NUP155: variants seen among roughly 807,000 people sequenced by gnomAD.
NUP155 encodes nucleoporin 155.
NUP155 carries 71 observed loss-of-function variants against 180.4 expected under a neutral mutation model. That is an observed-to-expected ratio of 0.39 (90% CI 0.33 to 0.48). NUP155 has a LOEUF of 0.48. Among genes scored for constraint, NUP155 ranks in the 20% least tolerant of loss-of-function variants. NUP155 has a pLI of 0.91. For missense variants in NUP155, 1,553 were observed against 1,648.9 expected, an observed-to-expected ratio of 0.94 and a Z score of 1.01; for synonymous variants, 582 against 559.5, an observed-to-expected ratio of 1.04 and a Z score of -0.57.
rs1746296248 is a variant in NUP155 at position 37,349,107 on chromosome 5, G to A, written c.903+65C>T. 13 of 410,558 alleles carry A rather than the reference G, an allele frequency of 3.2e-5. No homozygotes were observed. The South Asian group carries it at 4.8e-4, about 15-fold the overall frequency. The allele number at this position is 410,558 out of a possible 1,614,324, so 25.4% of individuals were successfully genotyped here. ...TTCATAGGAAAAATTTAAGAGGTGG[G>A]AATTGTCTTCCTTAAAAATAAGGAT... is the stretch of plus-strand genomic sequence containing the variant. On this transcript the variant is annotated intron_variant, in intron 8 of 34. Coordinates refer to ENST00000231498, the MANE Select transcript of NUP155 (RefSeq NM_153485.3).
chr5:37,341,604 G>A (rs866501485), intron 10 of NUP155, among the ~76,000 whole-genome samples: 2 of 152,008 alleles, frequency 1.3e-5, no homozygotes, highest in Admixed American at 6.6e-5. Context: ...GTAGTGGCGC[G>A]ATCTTGGCTC....
At chr5:37,302,665 A>G (rs1056771340) in intron 29 of NUP155, 114 bp downstream of exon 29, 9 of 1,043,054 alleles carry the variant, frequency 8.6e-6, no homozygotes, top group Admixed American at 2.0e-5. Flanking sequence ...GACAAAAGCA[A>G]CTAGAATAAT....
rs1324569981 is a variant in NUP155 at position 37,305,041 on chromosome 5, A to T, written c.3057+16T>A. 2 of 1,612,638 alleles carry T rather than the reference A, an allele frequency of 1.2e-6. No homozygotes were observed. Among genetic ancestry groups the T allele is most frequent in the Non-Finnish European group, 8.5e-7 (1 of 1,179,676 alleles). On this transcript the variant is annotated intron_variant, in intron 26 of 34. Transcript: ENST00000231498. ...AACAGTGTATTCTCAGAATGAAAATATACTATGTCCCTTACATGATGTCCT... is the reference window on the plus strand; with the variant it reads ...AACAGTGTATTCTCAGAATGAAAATTTACTATGTCCCTTACATGATGTCCT...
chr5:37,302,969 C>G, intron 28 of NUP155, 61 bp from the exon 29 acceptor site: 1 of 1,536,220 alleles, frequency 6.5e-7, no homozygotes, highest in Non-Finnish European at 9.0e-7. Flanking sequence ...GATACAAATA[C>G]GTCAATTAGT....
At chr5:37,318,862 A>G (rs1429222561) in intron 20 of NUP155, among the ~76,000 whole-genome samples, 1 of 152,238 alleles carries the variant, frequency 6.6e-6, no homozygotes, top group Non-Finnish European at 1.5e-5. Context: ...CAAAGTAAAC[A>G]CTAAGTCACT....
chr5:37,349,110 T>C, intron 8 of NUP155, 62 bp downstream of exon 8: 4 of 420,744 alleles, frequency 9.5e-6, no homozygotes, highest in Non-Finnish European at 1.7e-5. Context: ...GAGGTGGGAA[T>C]TGTCTTCCTT....
intron 5 of NUP155, among the ~76,000 whole-genome samples, chr5:37,352,020 C>T (rs749603631): frequency 4.0e-5 from 6 of 151,066 alleles, no homozygotes; most frequent in Non-Finnish European, 8.9e-5. Flanking sequence ...GTCGGCAGTT[C>T]AAGACCAGCC....
chr5:37,366,711 G>A (rs10473044), intron 1 of NUP155, among the ~76,000 whole-genome samples: 1,984 of 150,692 alleles, frequency 0.013, 44 homozygotes, highest in African/African-American at 0.045. Context: ...GAGTGCAGTG[G>A]CCTGATCTCA....
In NUP155 at chr5:37,342,642, T is replaced by A. The variant is rs775032568; in HGVS notation, c.1000A>T (p.Ile334Phe). The A allele has an allele frequency of 6.3e-7, 1 of 1,598,100 alleles. No homozygotes were observed. Among genetic ancestry groups the A allele is most frequent in the South Asian group, 1.1e-5 (1 of 90,752 alleles). The stretch of plus-strand genomic sequence containing the variant: ...ATTGGTTTAAAAACAGAACGATCGA[T>A]GGTCCTAAAAGAAAGGAGAAAATAA... ...VSAAGNIART[I>F]DRSVFKPIVQ... is the part of the protein sequence containing the mutation. The change falls in exon 10 of 35, where the codon ATC becomes TTC. Residue 334 changes from isoleucine (I) to phenylalanine (F), a missense_variant. Coordinates refer to ENST00000231498, the MANE Select transcript of NUP155 (RefSeq NM_153485.3).
Position 37,363,969 on chromosome 5 carries a change from C to G in NUP155, c.311G>C (p.Cys104Ser). 6.2e-7 allele frequency: 1 copy of G among 1,612,128 alleles called. No homozygotes were observed. The highest frequency in any genetic ancestry group is 8.5e-7 in the Non-Finnish European group (1 of 1,178,206). ...VEQFGHMQCN[C>S]MMGVFPPISR... is the part of the protein sequence containing the mutation. ...GATAGGAGGGAACACACCCATCATG[C>G]AATTACACTGCATATCTGAGGTAGT... is the stretch of plus-strand genomic sequence containing the variant. The change falls in exon 3 of 35, where the codon TGC (cysteine) becomes TCC (serine). Residue 104 changes from cysteine (C) to serine (S), a missense_variant. Cys to Ser is a moderately radical substitution (Grantham distance 112). Transcript: ENST00000231498.
intron 3 of NUP155, among the ~76,000 whole-genome samples, chr5:37,360,075 AC>A (rs1747098309): frequency 1.3e-5 from 2 of 151,910 alleles, no homozygotes; most frequent in Admixed American, 1.3e-4. Context: ...GCAAGATGAT[AC>A]CACTGCACTC....
rs1340126090 is a variant in NUP155 at position 37,301,430 on chromosome 5, T to C, written c.3561+7A>G. ...TACTATAAAAATTTCACTTGCTTTT[T>C]TATTACCTTAGTTATGTCCATCAGC... On this transcript the variant is annotated splice_region_variant and intron_variant, in intron 30 of 34. Coordinates refer to ENST00000231498, the MANE Select transcript of NUP155 (RefSeq NM_153485.3). 1.3e-6 allele frequency: 2 copies of C among 1,588,578 alleles called. No individual in the cohort carries two copies. Among genetic ancestry groups the C allele is most frequent in the Admixed American group, 1.7e-5 (1 of 59,984 alleles).
intron 30 of NUP155, among the ~76,000 whole-genome samples, chr5:37,300,594 C>CA (rs1742807891): frequency 6.6e-6 from 1 of 151,992 alleles, no homozygotes; most frequent in Non-Finnish European, 1.5e-5. Flanking sequence ...GAGAGTTAAG[C>CA]AAAGATAAGT....
rs779115652 is a variant in NUP155 at position 37,351,344 on chromosome 5, A to C, written c.569T>G (p.Leu190Arg). The C allele has an allele frequency of 6.2e-7, 1 of 1,611,014 alleles. No homozygotes were observed. Among genetic ancestry groups the C allele is most frequent in the Non-Finnish European group, 8.5e-7 (1 of 1,177,444 alleles). Residue 190 changes from leucine to arginine, a missense_variant, in exon 6 of 35, where the codon CTT becomes CGT. By Grantham distance (102) the Leu-to-Arg change is moderately radical. Transcript: ENST00000231498. ...YANLQTGSGV[L>R]NDSLSGGMQL... ...CATTCCACCAGACAAACTATCATTA[A>C]GAACTCCAGAACCTATTTAAGAAAG...
At chr5:37,301,642 T>C in intron 29 of NUP155, 92 bp from the exon 30 acceptor site, 4 of 804,804 alleles carry the variant, frequency 5.0e-6, no homozygotes, top group Non-Finnish European at 8.8e-6. Context: ...ACTTTAAGTT[T>C]GCTAAAATAA....
intron 30 of NUP155, among the ~76,000 whole-genome samples, chr5:37,300,111 A>T (rs1742787046): frequency 6.6e-6 from 1 of 151,812 alleles, no homozygotes. Context: ...TGGGAAGAAG[A>T]TGTTGCAACG....
chr5:37,309,272 AAG>A lies in NUP155; in HGVS notation c.2629-7_2629-6del. ...ACGCTGGAGAAGCTCATTTGCCTAG[AAG>A]AGGAGATAACAAGAACTTAAAAATA... On this transcript the variant is annotated splice_region_variant and splice_polypyrimidine_tract_variant and intron_variant, in intron 23 of 34. Coordinates refer to ENST00000231498, the MANE Select transcript of NUP155 (RefSeq NM_153485.3). 1 of 819,604 alleles carries A rather than the reference AAG, an allele frequency of 1.2e-6. No homozygotes were observed. Among genetic ancestry groups the A allele is most frequent in the Non-Finnish European group, 1.7e-6 (1 of 592,314 alleles). The allele number at this position is 819,604 out of a possible 1,614,324, so 50.8% of individuals were successfully genotyped here.
chr5:37,301,633 C>A, intron 29 of NUP155, 83 bp from the exon 30 acceptor site: 3 of 862,328 alleles, frequency 3.5e-6, no homozygotes, highest in Non-Finnish European at 6.0e-6. Flanking sequence ...TACTATCTGA[C>A]TTTAAGTTTG....
At chr5:37,316,778 T>C (rs374029542) in intron 21 of NUP155, among the ~76,000 whole-genome samples, 114 of 151,802 alleles carry the variant, frequency 7.5e-4, no homozygotes, top group African/African-American at 2.6e-3. Flanking sequence ...AGTGACATTT[T>C]TGGGGAAGAT....
Sources: allele counts gnomAD v4.1 joint callset (sites outside exome capture counted in the v4.1 genomes callset), GRCh38; gene constraint gnomAD v4.1.1; transcripts MANE v1.5; gene names NCBI Gene and HGNC (gene_info 2026-07-23, HGNC 2026-07-21).